RAP1GAP2: variants seen among roughly 807,000 people sequenced by gnomAD.
RAP1GAP2 encodes the protein rap1 GTPase-activating protein 2.
Under a neutral mutation model 95.0 loss-of-function variants are expected in RAP1GAP2, and 27 were observed. The observed-to-expected ratio is 0.28, with a 90% CI of 0.21 to 0.39. The LOEUF is 0.39. Ranked by LOEUF, RAP1GAP2 falls within the 10% of genes least tolerant of loss-of-function variation. RAP1GAP2 has a pLI of 1.00. For missense variants in RAP1GAP2, 771 were observed against 970.0 expected (o/e 0.79, Z 2.72); for synonymous variants, 373 against 380.9 (o/e 0.98, Z 0.24).
At position 2,963,556 on chromosome 17, in the gene RAP1GAP2, A is replaced by G. The variant is rs2044441411; in HGVS notation, c.279+94A>G. 1 of 1,523,210 alleles carries G rather than the reference A, an allele frequency of 6.6e-7. No homozygotes were observed. The allele number at this position is 1,523,210 out of a possible 1,614,324, so 94.4% of individuals were successfully genotyped here. A position where few individuals can be genotyped will look rare whatever the true frequency, so the allele number is the denominator to read the frequency against. ...GGCGATGGCCTGTGCCCAGCCCCCC[A>G]GGGGAGAGAACCTTGGGCCTGGGAC... On this transcript the variant is annotated intron_variant, in intron 6 of 24. Transcript: ENST00000254695. The surrounding 1 kb of genome is among the most constrained non-coding windows in gnomAD (Gnocchi z 4.8).
rs147190065 is a variant in RAP1GAP2 at position 2,912,126 on chromosome 17, C to T, written c.165+6758C>T. Among the ~76,000 whole-genome samples, 73 of 152,380 alleles carry T rather than the reference C, an allele frequency of 4.8e-4. No homozygotes were observed. In the East Asian group the frequency reaches 0.012, roughly 26 times the overall value. On this transcript the variant is annotated intron_variant, in intron 3 of 24. Coordinates refer to ENST00000254695, the MANE Select transcript of RAP1GAP2 (RefSeq NM_015085.5). ...TCTCCACGGCCAGGGAATGCCCCCACCGCCTCTATGGTAGGTAAGGCAGGT... is the reference window on the plus strand; with the variant it reads ...TCTCCACGGCCAGGGAATGCCCCCATCGCCTCTATGGTAGGTAAGGCAGGT...
intron 22 of RAP1GAP2, among the ~76,000 whole-genome samples, chr17:3,028,082 A>C (rs1472877377): frequency 1.3e-5 from 2 of 151,654 alleles, no homozygotes; most frequent in African/African-American, 4.8e-5. Flanking sequence ...CTTACTAGAC[A>C]TGTCATTGGG....
chr17:2,940,455 G>C (rs1315957759), intron 3 of RAP1GAP2, among the ~76,000 whole-genome samples: 1 of 152,246 alleles, frequency 6.6e-6, no homozygotes, highest in East Asian at 1.9e-4. Context: ...ATAGGTGGGA[G>C]TTGCCATGGC....
At chr17:3,026,170 G>A in intron 20 of RAP1GAP2, 49 bp downstream of exon 20, 1 of 1,461,398 alleles carries the variant, frequency 6.8e-7, no homozygotes, top group Non-Finnish European at 9.5e-7. Context: ...GTGGAGCCCT[G>A]GAACACGCCC....
chr17:2,875,487 G>C (rs1205443248), intron 2 of RAP1GAP2, among the ~76,000 whole-genome samples: 1 of 152,182 alleles, frequency 6.6e-6, no homozygotes, highest in Non-Finnish European at 1.5e-5. Flanking sequence ...TAGGGTCTGA[G>C]TGATGGCGTC....
At chr17:2,872,078 G>A (rs1198636147) in intron 2 of RAP1GAP2, among the ~76,000 whole-genome samples, 1 of 152,030 alleles carries the variant, frequency 6.6e-6, no homozygotes, top group Non-Finnish European at 1.5e-5. Context: ...GCTGGGTGTG[G>A]TGATGCACGC....
At position 2,800,188 on chromosome 17, in the gene RAP1GAP2, T is replaced by A. The variant is rs577422331; in HGVS notation, c.45-327T>A. The A allele has an allele frequency of 2.4e-3, 2,368 of 985,418 alleles. 7 individuals carry two copies. The highest frequency in any genetic ancestry group is 2.6e-3 in the Non-Finnish European group (2,167 of 829,926). 61.0% of individuals were successfully genotyped at this position (985,418 alleles called of 1,614,324 possible). On this transcript the variant is annotated intron_variant, in intron 1 of 24. Coordinates refer to ENST00000254695, the MANE Select transcript of RAP1GAP2 (RefSeq NM_015085.5). ...AGCCGTAATAAAGGGAGAGGCTGCA[T>A]ACAAAGTGCTTACGATCCCTGGACC...
At chr17:2,941,960 G>C (rs1464591562) in intron 3 of RAP1GAP2, among the ~76,000 whole-genome samples, 1 of 152,200 alleles carries the variant, frequency 6.6e-6, no homozygotes, top group Non-Finnish European at 1.5e-5. Flanking sequence ...TGGGATGACA[G>C]GCGTGAGCCA....
rs930493654 is a variant in RAP1GAP2, at chr17:3,004,306, C to T, written c.1201-1063C>T. On this transcript the variant is annotated intron_variant, in intron 14 of 24. Coordinates refer to ENST00000254695, the MANE Select transcript of RAP1GAP2 (RefSeq NM_015085.5). The surrounding 1 kb of genome is among the most constrained non-coding windows in gnomAD (Gnocchi z 4.1). ...TTGAGAAGAGAAAGCCCGTATTGAC[C>T]AGCTCTCTCCCGCTCCGTTTCCCCT... Among the ~76,000 whole-genome samples the T allele has an allele frequency of 1.3e-5, 2 of 152,222 alleles. No homozygotes were observed. Among genetic ancestry groups the T allele is most frequent in the East Asian group, 3.9e-4 (2 of 5,194 alleles).
At chr17:2,938,305 G>A (rs894174598) in intron 3 of RAP1GAP2, among the ~76,000 whole-genome samples, 1 of 152,110 alleles carries the variant, frequency 6.6e-6, no homozygotes, top group South Asian at 2.1e-4. Context: ...CACTAGGTCT[G>A]GAGCTGTTTC....
intron 4 of RAP1GAP2, among the ~76,000 whole-genome samples, chr17:2,958,173 G>C (rs1365495401): frequency 2.0e-5 from 3 of 152,114 alleles, no homozygotes; most frequent in East Asian, 1.9e-4. Flanking sequence ...GCAGAGGGGT[G>C]GGGTGGGAGG....
intron 2 of RAP1GAP2, among the ~76,000 whole-genome samples, chr17:2,771,439 C>T (rs147204810): frequency 2.0e-5 from 3 of 151,760 alleles, no homozygotes; most frequent in South Asian, 2.1e-4. Context: ...CTGCCACACC[C>T]GACCCGGGGA....
chr17:2,873,002 C>G (rs1345692966), intron 2 of RAP1GAP2, among the ~76,000 whole-genome samples: 1 of 151,554 alleles, frequency 6.6e-6, no homozygotes, highest in Non-Finnish European at 1.5e-5. Context: ...GCTTGGGAGG[C>G]TGAGGCATGA....
intron 4 of RAP1GAP2, among the ~76,000 whole-genome samples, chr17:2,961,285 C>A (rs1260251338): frequency 6.6e-6 from 1 of 151,664 alleles, no homozygotes; most frequent in Non-Finnish European, 1.5e-5. Flanking sequence ...GAAGCCAAGG[C>A]GGGTGGATCA....
intron 3 of RAP1GAP2, among the ~76,000 whole-genome samples, chr17:2,941,840 G>A (rs533515986): frequency 1.3e-5 from 2 of 152,112 alleles, no homozygotes; most frequent in African/African-American, 2.4e-5. Flanking sequence ...GTGCCACCAC[G>A]CCTGGCTAAT....
chr17:2,983,775 C>T lies in RAP1GAP2; in HGVS notation c.730-1208C>T, dbSNP rs1403484808. On this transcript the variant is annotated intron_variant, in intron 10 of 24. Transcript: ENST00000254695. The stretch of plus-strand genomic sequence containing the variant: ...TTTTTAATGTAAAAGTTGGAAGGGA[C>T]GTTCAAATTTCAAGTCTCCACACTG... Among the ~76,000 whole-genome samples, 6 of 152,126 alleles carry T rather than the reference C, an allele frequency of 3.9e-5. No homozygotes were observed. In the South Asian group the frequency reaches 6.2e-4, roughly 16 times the overall value.
chr17:2,774,688 C>G (rs1340473109), upstream of RAP1GAP2, among the ~76,000 whole-genome samples: 1 of 151,684 alleles, frequency 6.6e-6, no homozygotes, highest in Non-Finnish European at 1.5e-5. Context: ...GCAGGCTGGT[C>G]TCGAATTCCT....
intron 18 of RAP1GAP2, among the ~76,000 whole-genome samples, chr17:3,018,923 C>T (rs537620181): frequency 2.7e-4 from 41 of 152,098 alleles, no homozygotes; most frequent in African/African-American, 8.9e-4. Context: ...ATTAACTGGG[C>T]GTGGTGGCGG....
rs142218561 is a variant in RAP1GAP2, at chr17:2,769,731, C to T, written c.51-598C>T. 9.9e-5 allele frequency among the ~76,000 whole-genome samples: 15 copies of T among 152,178 alleles called. No homozygotes were observed. The East Asian group carries it at 2.3e-3, about 24-fold the overall frequency. ...TACCTCCAGTGACGGGGAACTTACT[C>T]CTTCCAAGTGACTTCTTTCAGCTTC... is the stretch of plus-strand genomic sequence containing the variant. On this transcript the variant is annotated intron_variant, in intron 1 of 25. Coordinates refer to the RAP1GAP2 transcript ENST00000637138.
Sources: gnomAD v4.1 joint callset for allele counts (sites outside exome capture counted in the v4.1 genomes callset) on GRCh38, gnomAD v4.1.1 for gene constraint, Gnocchi (gnomAD v3.1) non-coding constraint, MANE v1.5 for transcripts, NCBI Gene and HGNC (gene_info 2026-07-23, HGNC 2026-07-21) for gene names.